DROSHA: variants seen among roughly 807,000 people sequenced by gnomAD.
The protein encoded by DROSHA is drosha ribonuclease III, also known as ribonuclease 3.
DROSHA carries 56 observed loss-of-function variants against 181.9 expected under a neutral mutation model. The ratio of observed to expected loss-of-function variants is 0.31; its 90% confidence interval spans 0.25 to 0.38. The LOEUF (loss-of-function observed/expected upper bound fraction) is 0.38. Ranked by LOEUF, DROSHA falls within the 10% of genes least tolerant of loss-of-function variation. The pLI is 1.00. For synonymous variants in DROSHA, 524 were observed against 591.2 expected, an observed-to-expected ratio of 0.89 and a Z score of 1.65; for missense variants, 1,218 against 1,743.5, an observed-to-expected ratio of 0.70 and a Z score of 5.37.
chr5:31,456,114 T>C (rs1280566110), intron 20 of DROSHA, among the ~76,000 whole-genome samples: 2 of 152,178 alleles, frequency 1.3e-5, no homozygotes, highest in African/African-American at 4.8e-5. Flanking sequence ...GGACCACTGT[T>C]TCTATAAGCC....
At chr5:31,403,973 A>G (rs933160789) in intron 35 of DROSHA, among the ~76,000 whole-genome samples, 2 of 152,122 alleles carry the variant, frequency 1.3e-5, no homozygotes, top group East Asian at 3.9e-4. Flanking sequence ...GCTGGAGTGC[A>G]GTGGCATGAC....
chr5:31,437,623 A>G (rs1745041182), intron 23 of DROSHA, among the ~76,000 whole-genome samples: 1 of 152,190 alleles, frequency 6.6e-6, no homozygotes, highest in Non-Finnish European at 1.5e-5. Context: ...GGTAGAAGAC[A>G]TAAAGAAGAA....
At chr5:31,448,469 T>C in intron 23 of DROSHA, 78 bp downstream of exon 23, 2 of 1,320,788 alleles carry the variant, frequency 1.5e-6, no homozygotes, top group South Asian at 1.3e-5. Context: ...AACCACTGAA[T>C]TGTATGCTTT....
chr5:31,494,036 T>G (rs1022859507), intron 12 of DROSHA, among the ~76,000 whole-genome samples: 1 of 151,590 alleles, frequency 6.6e-6, no homozygotes, highest in African/African-American at 2.4e-5. Flanking sequence ...TGGCATGATC[T>G]TGGCTCACTA....
At chr5:31,507,628 AAAAC>A (rs1407068208) in intron 10 of DROSHA, among the ~76,000 whole-genome samples, 1 of 152,146 alleles carries the variant, frequency 6.6e-6, no homozygotes, top group Non-Finnish European at 1.5e-5. Flanking sequence ...AAAAAACAAA[AAAAC>A]AAAAAAACCC....
At chr5:31,471,204 C>T (rs1053338056) in intron 17 of DROSHA, among the ~76,000 whole-genome samples, 2 of 152,092 alleles carry the variant, frequency 1.3e-5, no homozygotes, top group African/African-American at 2.4e-5. Flanking sequence ...AAAAGTAGAT[C>T]CAGAGTTTTT....
intron 34 of DROSHA, among the ~76,000 whole-genome samples, chr5:31,406,156 C>A (rs1305205321): frequency 6.6e-6 from 1 of 152,074 alleles, no homozygotes; most frequent in Non-Finnish European, 1.5e-5. Flanking sequence ...ATACATAATT[C>A]TTTTCACCTA....
chr5:31,526,882 C>T lies in DROSHA; in HGVS notation c.51G>A (p.Gly17=), dbSNP rs1187982936. The change falls in exon 5 of 36, where the codon GGG becomes GGA. Residue 17 remains glycine, a synonymous_variant. Transcript: ENST00000344624. The part of the protein sequence containing the change: ...CHRMSFHPGR[G]CPRGRGGHGA... ...CATGTCCTCCTCGTCCTCGGGGACA[C>T]CCTCGTCCCGGGTGGAACGACATTC... 23 of 1,612,878 alleles carry T rather than the reference C, an allele frequency of 1.4e-5. No individual in the cohort carries two copies. The highest frequency in any genetic ancestry group is 1.9e-5 in the Non-Finnish European group (22 of 1,179,794).
chr5:31,408,927 C>G, intron 33 of DROSHA, 129 bp downstream of exon 33: 1 of 815,866 alleles, frequency 1.2e-6, no homozygotes, highest in South Asian at 1.9e-5. Flanking sequence ...GTCACACTAA[C>G]AGCCAAGAAG....
In DROSHA at chr5:31,494,214, C is replaced by T. The variant is rs1056020840; in HGVS notation, c.1756-921G>A. On this transcript the variant is annotated intron_variant, in intron 12 of 35. Coordinates refer to ENST00000344624, the MANE Select transcript of DROSHA (RefSeq NM_001382508.1). The stretch of plus-strand genomic sequence containing the variant: ...AACTCCTGACTTCAGGTGATCCACT[C>T]GCCTCGGCCTCCCAAAGTGCTGGGA... Among the ~76,000 whole-genome samples, 21 of 151,972 alleles carry T rather than the reference C, an allele frequency of 1.4e-4. No individual in the cohort carries two copies. The South Asian group carries it at 1.9e-3, about 14-fold the overall frequency.
At chr5:31,449,531 T>G (rs1364300532) in intron 21 of DROSHA, 112 bp from the exon 22 acceptor site, 6 of 1,175,066 alleles carry the variant, frequency 5.1e-6, no homozygotes, top group Non-Finnish European at 7.0e-6. Context: ...AGATCAAGAC[T>G]AGCCTGGGCA....
intron 35 of DROSHA, 83 bp downstream of exon 35, chr5:31,405,594 A>T: frequency 8.3e-7 from 1 of 1,210,016 alleles, no homozygotes; most frequent in Non-Finnish European, 1.2e-6. Context: ...ATCAATACTT[A>T]CCATTTTTCT....
At chr5:31,506,603 G>C (rs1380444506) in intron 10 of DROSHA, among the ~76,000 whole-genome samples, 2 of 151,386 alleles carry the variant, frequency 1.3e-5, no homozygotes, top group Non-Finnish European at 2.9e-5. Context: ...GCTTGAACCT[G>C]GGAGGTGGAA....
intron 30 of DROSHA, among the ~76,000 whole-genome samples, chr5:31,418,553 A>G (rs1206804700): frequency 2.0e-5 from 3 of 152,120 alleles, no homozygotes; most frequent in Admixed American, 6.6e-5. Flanking sequence ...ACAGGCATGA[A>G]CCACCATACC....
intron 20 of DROSHA, among the ~76,000 whole-genome samples, chr5:31,453,561 A>T (rs1747285452): frequency 6.6e-6 from 1 of 152,170 alleles, no homozygotes; most frequent in South Asian, 2.1e-4. Flanking sequence ...TTATCCCTTT[A>T]ATCCTAGTTC....
chr5:31,491,185 TAAAA>T (rs11301107), intron 13 of DROSHA, among the ~76,000 whole-genome samples: 19 of 140,310 alleles, frequency 1.4e-4, no homozygotes, highest in Admixed American at 6.4e-4. Flanking sequence ...TGTCCAAGGT[TAAAA>T]AAAAAAAAAA....
At chr5:31,481,226 G>T (rs994763252) in intron 16 of DROSHA, among the ~76,000 whole-genome samples, 1 of 151,788 alleles carries the variant, frequency 6.6e-6, no homozygotes, top group African/African-American at 2.4e-5. Flanking sequence ...TGTATCCTTC[G>T]GGGTCTTCTT....
chr5:31,418,937 T>A (rs1302422714), intron 30 of DROSHA, among the ~76,000 whole-genome samples: 2 of 152,024 alleles, frequency 1.3e-5, no homozygotes, highest in African/African-American at 4.8e-5. Context: ...ACTGAAGAGA[T>A]CAGTTTAGAA....
rs1740968284 is a variant in DROSHA, at chr5:31,408,848, T to G, written c.3854+208A>C. On this transcript the variant is annotated intron_variant, in intron 33 of 35. Transcript: ENST00000344624. Reference sequence around the variant, plus strand: ...TTAGAAATGGGAGAGAACATTGAGATAATGGAGTGGGACCCACTTATTACA... The same window carrying G: ...TTAGAAATGGGAGAGAACATTGAGAGAATGGAGTGGGACCCACTTATTACA... The G allele has an allele frequency of 1.0e-5, 5 of 480,434 alleles. No individual in the cohort carries two copies. In the East Asian group the frequency reaches 1.7e-4, roughly 16 times the overall value. 29.8% of individuals were successfully genotyped at this position (480,434 alleles called of 1,614,324 possible).
Sources: gnomAD v4.1 joint callset for allele counts (sites outside exome capture counted in the v4.1 genomes callset) on GRCh38, gnomAD v4.1.1 for gene constraint, MANE v1.5 for transcripts, NCBI Gene and HGNC (gene_info 2026-07-23, HGNC 2026-07-21) for gene names.